The following FOXK2 variants were observed in gnomAD, a reference collection of about 807,000 sequenced individuals.
The protein encoded by FOXK2 is forkhead box protein K2.
A neutral mutation model predicts 53.3 loss-of-function variants in FOXK2; 24 were observed. The ratio of observed to expected loss-of-function variants is 0.45; its 90% CI spans 0.33 to 0.63. The LOEUF is 0.63. Ranked by LOEUF, FOXK2 falls within the 30% of genes least tolerant of loss-of-function variation. FOXK2 has a pLI of 0.03. For missense variants in FOXK2, 952 were observed against 910.5 expected (o/e 1.05, Z -0.59); for synonymous variants, 505 against 407.1 (o/e 1.24, Z -2.89).
chr17:82,591,138 A>G (rs1256277820), intron 8 of FOXK2, among the ~76,000 whole-genome samples: 1 of 152,178 alleles, frequency 6.6e-6, no homozygotes, highest in Non-Finnish European at 1.5e-5. Flanking sequence ...GCCTTGCAGG[A>G]CAGCAGGTGG....
chr17:82,587,356 G>T, intron 8 of FOXK2, 84 bp downstream of exon 8: 1 of 1,078,250 alleles, frequency 9.3e-7, no homozygotes, highest in Non-Finnish European at 1.4e-6. Flanking sequence ...GGTTCTGACT[G>T]TAACAATTTT....
At chr17:82,571,291 C>T (rs906827436) in intron 3 of FOXK2, among the ~76,000 whole-genome samples, 1 of 152,226 alleles carries the variant, frequency 6.6e-6, no homozygotes, top group South Asian at 2.1e-4. Context: ...AATTGTATTA[C>T]TTTCATAGTA....
intron 1 of FOXK2, among the ~76,000 whole-genome samples, chr17:82,535,744 T>G (rs1346740589): frequency 7.9e-6 from 1 of 127,334 alleles, no homozygotes; most frequent in Non-Finnish European, 1.7e-5. Flanking sequence ...AGTTGTGTGT[T>G]TTTGTTTTTG....
chr17:82,596,160 C>T (rs2045308214), intron 8 of FOXK2: 2 of 1,023,730 alleles, frequency 2.0e-6, no homozygotes, highest in Admixed American at 5.7e-5. Context: ...CTGAGGTGGT[C>T]ACGGGGTTTG....
rs2045400622 is a variant in FOXK2 at position 82,602,754 on chromosome 17, T to A, written c.*1255T>A. Reference sequence around the variant, plus strand: ...AATGAGAGTGGGAGGTCCCTGCACCTCCTCGCCCGGCTCCTCAGGAAGAAA... The same window carrying A: ...AATGAGAGTGGGAGGTCCCTGCACCACCTCGCCCGGCTCCTCAGGAAGAAA... On this transcript the variant is annotated 3_prime_UTR_variant, in exon 9 of 9. Coordinates refer to ENST00000335255, the MANE Select transcript of FOXK2 (RefSeq NM_004514.4). 6.6e-6 allele frequency: 1 copy of A among 152,244 alleles called. No homozygotes were observed. The highest frequency in any genetic ancestry group is 1.5e-5 in the Non-Finnish European group (1 of 68,038). The allele number at this position is 152,244 out of a possible 1,614,324, so 9.4% of individuals were successfully genotyped here.
intron 4 of FOXK2, among the ~76,000 whole-genome samples, chr17:82,572,964 G>T (rs939980583): frequency 2.6e-5 from 4 of 152,166 alleles, no homozygotes; most frequent in African/African-American, 4.8e-5. Context: ...GCCGAGGCAG[G>T]TGGATCGCGT....
intron 8 of FOXK2, among the ~76,000 whole-genome samples, chr17:82,597,854 T>C (rs981830237): frequency 6.6e-6 from 1 of 152,194 alleles, no homozygotes; most frequent in African/African-American, 2.4e-5. Flanking sequence ...TGCACCACGT[T>C]GGCCAGGCTG....
intron 1 of FOXK2, among the ~76,000 whole-genome samples, chr17:82,529,641 C>T (rs2044454010): frequency 6.6e-6 from 1 of 152,188 alleles, no homozygotes; most frequent in African/African-American, 2.4e-5. Context: ...TTGCCTCGGC[C>T]TCCCAAAGTG....
rs541799688 is a variant in FOXK2, at chr17:82,587,144, C to A, written c.1658C>A (p.Pro553Gln). ...ATCATTCAGACGGCACAGACCACCCCGGTCCAGACGGTGACCATAGTACAA... is the reference window on the plus strand; with the variant it reads ...ATCATTCAGACGGCACAGACCACCCAGGTCCAGACGGTGACCATAGTACAA... ...SRIIQTAQTT[P>Q]VQTVTIVQQA... The change falls in exon 8 of 9, where the codon CCG becomes CAG. Residue 553 changes from proline (P) to glutamine (Q), a missense_variant. Around this residue, in one of 5 missense-constraint regions of FOXK2, gnomAD observed 551 missense variants for 385.1 expected, o/e 1.43. Transcript: ENST00000335255. 3 of 1,613,010 alleles carry A rather than the reference C, an allele frequency of 1.9e-6. No homozygotes were observed. Among genetic ancestry groups the A allele is most frequent in the Non-Finnish European group, 2.5e-6 (3 of 1,180,028 alleles).
At chr17:82,569,224 G>A (rs1007435053) in intron 3 of FOXK2, among the ~76,000 whole-genome samples, 2 of 152,186 alleles carry the variant, frequency 1.3e-5, no homozygotes, top group Admixed American at 6.5e-5. Context: ...CCAGCAGAAC[G>A]CAGCACAGCC....
At chr17:82,586,994 T>G in intron 7 of FOXK2, 69 bp from the exon 8 acceptor site, 2 of 1,485,422 alleles carry the variant, frequency 1.3e-6, no homozygotes, top group Non-Finnish European at 1.9e-6. Context: ...GGTTATTATG[T>G]TTTAAACTGG....
intron 1 of FOXK2, 89 bp from the exon 2 acceptor site, chr17:82,563,265 C>T: frequency 7.9e-7 from 1 of 1,267,516 alleles, no homozygotes; most frequent in South Asian, 1.5e-5. Flanking sequence ...ATGTTCTCAG[C>T]TGCTCCAGTG....
chr17:82,595,078 A>G (rs1209731062), intron 8 of FOXK2, among the ~76,000 whole-genome samples: 1 of 152,244 alleles, frequency 6.6e-6, no homozygotes, highest in Non-Finnish European at 1.5e-5. Context: ...GCAAGCCGGC[A>G]TACATTGTCT....
chr17:82,562,456 T>C (rs1365925093), intron 1 of FOXK2, among the ~76,000 whole-genome samples: 1 of 152,082 alleles, frequency 6.6e-6, no homozygotes, highest in Non-Finnish European at 1.5e-5. Flanking sequence ...AGTGCATGCC[T>C]GTAATCCCAG....
chr17:82,563,655 G>A, intron 2 of FOXK2, 107 bp downstream of exon 2: 10 of 941,922 alleles, frequency 1.1e-5, no homozygotes, highest in African/African-American at 1.7e-5. Flanking sequence ...GAGAGAATGT[G>A]AGGTGGTGTT....
intron 1 of FOXK2, among the ~76,000 whole-genome samples, chr17:82,524,063 G>GT (rs1310102324): frequency 6.6e-6 from 1 of 151,728 alleles, no homozygotes; most frequent in Non-Finnish European, 1.5e-5. Context: ...CTGGCTTTGT[G>GT]TTTTTTGTAG....
At chr17:82,585,558 C>A (rs569469052) in intron 6 of FOXK2, among the ~76,000 whole-genome samples, 1 of 152,146 alleles carries the variant, frequency 6.6e-6, no homozygotes, top group Non-Finnish European at 1.5e-5. Flanking sequence ...CCTCAGCCTC[C>A]CAAAGTGCTG....
chr17:82,576,269 C>T (rs984733134), intron 4 of FOXK2, among the ~76,000 whole-genome samples: 7 of 148,254 alleles, frequency 4.7e-5, no homozygotes, highest in South Asian at 4.4e-4. Context: ...CGGGTGGCGG[C>T]GGCGGGTTCG....
At chr17:82,568,285 C>T (rs2044874679) in intron 3 of FOXK2, 84 bp downstream of exon 3, 7 of 1,518,864 alleles carry the variant, frequency 4.6e-6, no homozygotes, top group South Asian at 3.5e-5. Flanking sequence ...TGTCACTCAC[C>T]TGCCTGTCCA....
Sources: gnomAD v4.1 joint callset for allele counts (sites outside exome capture counted in the v4.1 genomes callset) on GRCh38, gnomAD v4.1.1 for gene constraint, gnomAD v4.1.1 regional missense constraint, MANE v1.5 for transcripts, NCBI Gene and HGNC (gene_info 2026-07-23, HGNC 2026-07-21) for gene names.